Variants in GRID1 observed in about 807,000 individuals in gnomAD.
The protein encoded by GRID1 is glutamate ionotropic receptor delta type subunit 1.
In GRID1, 28 loss-of-function variants were observed where a neutral mutation model predicts 98.0. That is an observed-to-expected ratio of 0.29 (90% confidence interval 0.21 to 0.39). The LOEUF (loss-of-function observed/expected upper bound fraction) is 0.39. Ranked by LOEUF, GRID1 falls within the 10% of genes least tolerant of loss-of-function variation. The pLI, the probability that GRID1 is intolerant of heterozygous loss-of-function variation, is 1.00. For synonymous variants in GRID1, 553 were observed against 538.5 expected (o/e 1.03, Z -0.37); for missense variants, 1,111 against 1,340.5 (o/e 0.83, Z 2.67).
In GRID1 at chr10:85,620,023, C is replaced by T. The variant is rs771745772; in HGVS notation, c.2204G>A (p.Gly735Glu). 5.6e-6 allele frequency: 9 copies of T among 1,613,514 alleles called. No individual in the cohort carries two copies. In the East Asian group the frequency reaches 6.7e-5, roughly 12 times the overall value. The change falls in exon 14 of 16, where the codon GGG becomes GAG. Residue 735 changes from glycine to glutamate, a missense_variant. By Grantham distance (98) the Gly-to-Glu change is moderately conservative. Around this residue, in one of 3 missense-constraint regions of GRID1, gnomAD observed 762 missense variants for 869.1 expected, o/e 0.88. Transcript: ENST00000327946. ...PSEGIRKAKK[G>E]NYAFLWDVAV... is the part of the protein sequence containing the mutation. ...CACATCCCACAGGAAGGCGTAGTTC[C>T]CCTTCTTTGCCTGAAAGATCAAAAT...
At chr10:85,731,697 G>C (rs1361790948) in intron 8 of GRID1, among the ~76,000 whole-genome samples, 1 of 151,642 alleles carries the variant, frequency 6.6e-6, no homozygotes, top group Non-Finnish European at 1.5e-5. Context: ...AGCTATTTGG[G>C]AGGCTGAGGT....
chr10:85,808,147 A>G (rs929871410), intron 8 of GRID1, among the ~76,000 whole-genome samples: 1 of 152,224 alleles, frequency 6.6e-6, no homozygotes, highest in African/African-American at 2.4e-5. Flanking sequence ...GGCCTTAGAT[A>G]TAAACAATTA....
intron 2 of GRID1, among the ~76,000 whole-genome samples, chr10:86,262,430 C>G (rs1475046740): frequency 6.6e-6 from 1 of 152,214 alleles, no homozygotes; most frequent in Non-Finnish European, 1.5e-5. Flanking sequence ...TTCAGTTCGG[C>G]CCCCTGGTCC....
chr10:85,637,963 C>T (rs1421661895), intron 13 of GRID1, among the ~76,000 whole-genome samples: 1 of 152,038 alleles, frequency 6.6e-6, no homozygotes, highest in Non-Finnish European at 1.5e-5. Flanking sequence ...AATGAATACA[C>T]AACATATAAA....
At chr10:86,137,089 G>A (rs979788423) in intron 4 of GRID1, among the ~76,000 whole-genome samples, 7 of 152,152 alleles carry the variant, frequency 4.6e-5, no homozygotes, top group Non-Finnish European at 8.8e-5. Flanking sequence ...CACTGCAGGC[G>A]TTTGCATAAT....
chr10:86,107,950 G>A (rs551978637), intron 4 of GRID1, among the ~76,000 whole-genome samples: 1 of 152,268 alleles, frequency 6.6e-6, no homozygotes, highest in Admixed American at 6.5e-5. Flanking sequence ...CCAAGCCCAC[G>A]TGTGATCCAA....
intron 2 of GRID1, among the ~76,000 whole-genome samples, chr10:86,324,332 A>G (rs1848013420): frequency 6.6e-6 from 1 of 152,214 alleles, no homozygotes; most frequent in African/African-American, 2.4e-5. Context: ...ACGTTGAGAG[A>G]CACGTGTAAA....
At chr10:86,291,721 T>G (rs1037594687) in intron 2 of GRID1, among the ~76,000 whole-genome samples, 1 of 152,210 alleles carries the variant, frequency 6.6e-6, no homozygotes, top group Non-Finnish European at 1.5e-5. Flanking sequence ...GAGAGCTCCG[T>G]GGGAATGAGT....
intron 8 of GRID1, among the ~76,000 whole-genome samples, chr10:85,769,139 A>G (rs4934130): frequency 0.41 from 62,580 of 152,158 alleles, 14,178 homozygotes; most frequent in East Asian, 0.74. Flanking sequence ...AATAACTGCA[A>G]GAAAAATGGT....
chr10:85,860,700 C>A (rs934963794), intron 6 of GRID1, among the ~76,000 whole-genome samples: 4 of 152,184 alleles, frequency 2.6e-5, no homozygotes, highest in Admixed American at 2.0e-4. Context: ...CAGCCTGGAC[C>A]AGCTTTGCTC....
At chr10:86,152,496 C>T (rs1444541395) in intron 3 of GRID1, among the ~76,000 whole-genome samples, 3 of 152,248 alleles carry the variant, frequency 2.0e-5, no homozygotes, top group Non-Finnish European at 1.5e-5. Flanking sequence ...CGCCCGAGAG[C>T]CCCCATAGCT....
At chr10:86,353,952 G>A (rs778170395) in intron 2 of GRID1, among the ~76,000 whole-genome samples, 2 of 152,232 alleles carry the variant, frequency 1.3e-5, no homozygotes, top group African/African-American at 2.4e-5. Context: ...AGGGGGGCTC[G>A]GCCCAGAGCT....
At chr10:85,945,541 GA>G (rs1349670476) in intron 4 of GRID1, among the ~76,000 whole-genome samples, 1 of 152,142 alleles carries the variant, frequency 6.6e-6, no homozygotes, top group Non-Finnish European at 1.5e-5. Context: ...TTAGCAAACA[GA>G]ATTTGTCAAA....
At chr10:86,167,426 C>T (rs1430368874) in intron 3 of GRID1, among the ~76,000 whole-genome samples, 1 of 152,184 alleles carries the variant, frequency 6.6e-6, no homozygotes, top group Admixed American at 6.5e-5. Flanking sequence ...CCAAGCATCT[C>T]CCCAGGAAGT....
At chr10:85,603,375 T>C (rs918649650) in intron 15 of GRID1, among the ~76,000 whole-genome samples, 3 of 152,164 alleles carry the variant, frequency 2.0e-5, no homozygotes, top group Admixed American at 1.3e-4. Flanking sequence ...TTGTGAGGAA[T>C]GGGACTTCCC....
chr10:85,731,123 G>A (rs1033413946), intron 8 of GRID1, among the ~76,000 whole-genome samples: 1 of 152,098 alleles, frequency 6.6e-6, no homozygotes, highest in Non-Finnish European at 1.5e-5. Context: ...TAGAACCTGA[G>A]GAGTCATTCC....
chr10:86,058,588 C>T (rs1357884594), intron 4 of GRID1, among the ~76,000 whole-genome samples: 5 of 152,214 alleles, frequency 3.3e-5, no homozygotes, highest in Non-Finnish European at 2.9e-5. Flanking sequence ...ACCTTCATTT[C>T]CTGAGCCCAT....
intron 2 of GRID1, among the ~76,000 whole-genome samples, chr10:86,288,171 G>A (rs1847461862): frequency 6.6e-6 from 1 of 152,212 alleles, no homozygotes; most frequent in Admixed American, 6.5e-5. Flanking sequence ...CCACAAGTCA[G>A]GATCTCACTG....
chr10:86,007,998 T>C (rs1842883851), intron 4 of GRID1, among the ~76,000 whole-genome samples: 1 of 152,152 alleles, frequency 6.6e-6, no homozygotes, highest in African/African-American at 2.4e-5. Context: ...TGGCACTCAC[T>C]GATATTGTCA....
Sources: gnomAD v4.1 joint callset for allele counts (sites outside exome capture counted in the v4.1 genomes callset) on GRCh38, gnomAD v4.1.1 for gene constraint, gnomAD v4.1.1 regional missense constraint, MANE v1.5 for transcripts, NCBI Gene and HGNC (gene_info 2026-07-23, HGNC 2026-07-21) for gene names.